The following SCGB2B2 variants were observed in gnomAD, a reference collection of about 807,000 sequenced individuals.
The protein encoded by SCGB2B2 is secretoglobin family 2B member 2.
SCGB2B2 carries 11 observed loss-of-function variants against 7.6 expected under a neutral mutation model. The observed-to-expected ratio is 1.45, with a 90% CI of 0.91 to 2.40. The LOEUF is 2.40. Ranked by LOEUF, SCGB2B2 falls within the 30% of genes most tolerant of loss-of-function variation. SCGB2B2 has a pLI of 0.00. For synonymous variants in SCGB2B2, 50 were observed against 48.6 expected (o/e 1.03, Z -0.12); for missense variants, 104 against 115.4 (o/e 0.90, Z 0.45).
chr19:34,606,041 A>G (rs1273398120), intron 1 of SCGB2B2, among the ~76,000 whole-genome samples: 1 of 151,792 alleles, frequency 6.6e-6, no homozygotes, highest in Non-Finnish European at 1.5e-5. Flanking sequence ...TTACGTAGTT[A>G]CTAAAATTTT....
intron 1 of SCGB2B2, among the ~76,000 whole-genome samples, chr19:34,636,289 TA>T (rs539969628): frequency 1.4e-3 from 219 of 152,262 alleles, no homozygotes; most frequent in African/African-American, 5.0e-3. Flanking sequence ...CTTGGGGGGC[TA>T]CGGGGGTTAC....
intron 1 of SCGB2B2, among the ~76,000 whole-genome samples, chr19:34,667,776 G>C (rs1454966276): frequency 2.0e-5 from 3 of 152,070 alleles, no homozygotes; most frequent in Non-Finnish European, 2.9e-5. Context: ...GGTGGGATGG[G>C]GGGAGCCCAC....
intron 1 of SCGB2B2, among the ~76,000 whole-genome samples, chr19:34,618,495 C>T (rs1308018248): frequency 3.9e-5 from 6 of 152,308 alleles, no homozygotes; most frequent in African/African-American, 7.2e-5. Context: ...TTCTCATACC[C>T]GCAGACTTTC....
At chr19:34,608,635 A>AT (rs1427647485) in intron 1 of SCGB2B2, 2 of 116,174 alleles carry the variant, frequency 1.7e-5, no homozygotes, top group African/African-American at 7.1e-5. Context: ...GAATTTTATA[A>AT]TTTTTTATGG....
At chr19:34,665,354 C>T (rs1402838848) in intron 1 of SCGB2B2, among the ~76,000 whole-genome samples, 5 of 152,200 alleles carry the variant, frequency 3.3e-5, no homozygotes, top group African/African-American at 4.8e-5. Flanking sequence ...CCAAGTGAGG[C>T]TGAGGTGGCT....
intron 1 of SCGB2B2, among the ~76,000 whole-genome samples, chr19:34,618,641 T>A (rs905724036): frequency 6.6e-6 from 1 of 152,226 alleles, no homozygotes; most frequent in Non-Finnish European, 1.5e-5. Context: ...TTAACAAAAG[T>A]CATACTCCCA....
At chr19:34,605,898 T>C (rs1442814331) in intron 1 of SCGB2B2, among the ~76,000 whole-genome samples, 3 of 152,180 alleles carry the variant, frequency 2.0e-5, no homozygotes, top group African/African-American at 7.2e-5. Context: ...CCGGCTAATC[T>C]TAAAATTTTA....
At chr19:34,590,379 G>T (rs886619783), downstream of SCGB2B2, among the ~76,000 whole-genome samples, 1 of 136,634 alleles carries the variant, frequency 7.3e-6, no homozygotes, top group Non-Finnish European at 1.7e-5. Flanking sequence ...CCATCCATCC[G>T]TTCATCCATC....
At chr19:34,597,752 G>T (rs2065501154) in intron 1 of SCGB2B2, among the ~76,000 whole-genome samples, 1 of 152,180 alleles carries the variant, frequency 6.6e-6, no homozygotes, top group African/African-American at 2.4e-5. Flanking sequence ...GTTTTGCCCT[G>T]TGAGCAGCAG....
intron 1 of SCGB2B2, among the ~76,000 whole-genome samples, chr19:34,649,603 C>T (rs1355543123): frequency 6.6e-6 from 1 of 152,124 alleles, no homozygotes; most frequent in Non-Finnish European, 1.5e-5. Flanking sequence ...AATCCCAGCA[C>T]TTTGGGAGGC....
intron 2 of SCGB2B2, 45 bp from the exon 3 acceptor site, chr19:34,594,404 T>G: frequency 6.2e-7 from 1 of 1,604,964 alleles, no homozygotes; most frequent in East Asian, 2.2e-5. Flanking sequence ...AGGTCAGAAT[T>G]CAGCGAAACC....
chr19:34,592,159 C>T lies in SCGB2B2; in HGVS notation c.*1396G>A, dbSNP rs1361734024. 6.6e-6 allele frequency among the ~76,000 whole-genome samples: 1 copy of T among 151,830 alleles called. No individual in the cohort carries two copies. Among genetic ancestry groups the T allele is most frequent in the Non-Finnish European group, 1.5e-5 (1 of 67,978 alleles). On this transcript the variant is annotated 3_prime_UTR_variant, in exon 4 of 4. Coordinates refer to ENST00000601241, the MANE Select transcript of SCGB2B2 (RefSeq NM_001025591.4). ...GGAGGAGATGACGGCTGAGGGATGA[C>T]AAGGAGAATGGGTGGAAGGGAGAAA...
At chr19:34,611,816 AT>A (rs908695484) in intron 1 of SCGB2B2, among the ~76,000 whole-genome samples, 6 of 149,270 alleles carry the variant, frequency 4.0e-5, no homozygotes, top group Admixed American at 6.7e-5. Context: ...CACCTGGCTA[AT>A]TTTTTTTTGT....
rs566559383 is a variant in SCGB2B2 at position 34,594,099 on chromosome 19, G to A, written c.246+76C>T. The A allele has an allele frequency of 4.0e-5, 48 of 1,199,946 alleles. No individual in the cohort carries two copies. In the East Asian group the frequency reaches 7.5e-4, roughly 19 times the overall value. 74.3% of individuals were successfully genotyped at this position (1,199,946 alleles called of 1,614,324 possible). On this transcript the variant is annotated intron_variant, in intron 3 of 3. Transcript: ENST00000601241. ...TGCTTAAAACGTGGAAAGCAGGATG[G>A]AAGGCAAGTGCAGGGAAGTGCAAGC...
At chr19:34,659,948 G>A (rs1317297053) in intron 1 of SCGB2B2, among the ~76,000 whole-genome samples, 1 of 152,116 alleles carries the variant, frequency 6.6e-6, no homozygotes, top group Non-Finnish European at 1.5e-5. Flanking sequence ...ATAGACCAAT[G>A]GAACAGAACA....
chr19:34,624,152 G>A (rs923874962), intron 1 of SCGB2B2, among the ~76,000 whole-genome samples: 4 of 152,224 alleles, frequency 2.6e-5, no homozygotes, highest in African/African-American at 9.7e-5. Flanking sequence ...AGGCAGAGAG[G>A]TGTGGGGCTT....
chr19:34,629,298 G>C (rs1481206612), intron 1 of SCGB2B2, among the ~76,000 whole-genome samples: 1 of 151,820 alleles, frequency 6.6e-6, no homozygotes, highest in Non-Finnish European at 1.5e-5. Flanking sequence ...AGAAATAAAG[G>C]GTATTCAATT....
intron 1 of SCGB2B2, chr19:34,632,120 T>C (rs2066551306): frequency 1.3e-5 from 2 of 152,208 alleles, no homozygotes; most frequent in Admixed American, 1.3e-4. Flanking sequence ...TGGTATACAA[T>C]ATTCAAGAAC....
In SCGB2B2 at chr19:34,591,468, T is replaced by G. The variant is rs1050693627; in HGVS notation, c.*2087A>C. Among the ~76,000 whole-genome samples, 25 of 152,200 alleles carry G rather than the reference T, an allele frequency of 1.6e-4. 1 individual carries two copies. Among genetic ancestry groups the G allele is most frequent in the Admixed American group, 3.3e-4 (5 of 15,282 alleles). ...CCTGGACGGCCACAGGGACTCCCAG[T>G]TGGTCTTCCTGCCTCTACTGCCGCC... On this transcript the variant is annotated 3_prime_UTR_variant, in exon 4 of 4. Coordinates refer to ENST00000601241, the MANE Select transcript of SCGB2B2 (RefSeq NM_001025591.4).
Sources: allele counts gnomAD v4.1 joint callset (sites outside exome capture counted in the v4.1 genomes callset), GRCh38; gene constraint gnomAD v4.1.1; transcripts MANE v1.5; gene names NCBI Gene and HGNC (gene_info 2026-07-23, HGNC 2026-07-21).